The following TMEM65 variants were observed in gnomAD, a reference collection of about 807,000 sequenced individuals.
TMEM65 encodes the protein transmembrane protein 65.
A neutral mutation model predicts 25.4 loss-of-function variants in TMEM65; 22 were observed. That is an observed-to-expected ratio of 0.86 (90% confidence interval 0.62 to 1.23). The LOEUF (loss-of-function observed/expected upper bound fraction) is 1.23. TMEM65 is among the 50% of genes most tolerant of loss of function. The pLI is 0.00. For missense variants in TMEM65, 262 were observed against 308.2 expected, an observed-to-expected ratio of 0.85 and a Z score of 1.12; for synonymous variants, 132 against 126.2, an observed-to-expected ratio of 1.05 and a Z score of -0.31.
chr8:124,349,550 G>A (rs964792536), intron 1 of TMEM65, among the ~76,000 whole-genome samples: 4 of 152,124 alleles, frequency 2.6e-5, no homozygotes, highest in African/African-American at 9.7e-5. Flanking sequence ...GTATTAGAGT[G>A]AAAAACAGCA....
chr8:124,308,550 G>GA lies in TMEM65; in HGVS notation c.*5409dup, dbSNP rs1010121813. 6.6e-6 allele frequency: 1 copy of GA among 152,098 alleles called. No homozygotes were observed. The highest frequency in any genetic ancestry group is 6.5e-5 in the Admixed American group (1 of 15,284). 9.4% of individuals were successfully genotyped at this position (152,098 alleles called of 1,614,324 possible). A position where few individuals can be genotyped will look rare whatever the true frequency, so the allele number is the denominator to read the frequency against. On this transcript the variant is annotated 3_prime_UTR_variant, in exon 7 of 7. Coordinates refer to ENST00000297632, the MANE Select transcript of TMEM65 (RefSeq NM_194291.3). ...CAGAATTTACAACAGAGCCAATCAA[G>GA]AAAATCATGAAAGAGGTTGTAGATA...
At chr8:124,326,370 C>A (rs1266304897) in intron 3 of TMEM65, among the ~76,000 whole-genome samples, 1 of 151,974 alleles carries the variant, frequency 6.6e-6, no homozygotes, top group African/African-American at 2.4e-5. Context: ...GGACTGTGAT[C>A]AATCTATTTT....
intron 1 of TMEM65, among the ~76,000 whole-genome samples, chr8:124,347,813 C>T (rs1056343538): frequency 3.9e-5 from 6 of 151,900 alleles, no homozygotes; most frequent in African/African-American, 1.5e-4. Flanking sequence ...CTTTATCAAC[C>T]ATATTAATGT....
chr8:124,349,611 AT>A (rs1225392996), intron 1 of TMEM65, among the ~76,000 whole-genome samples: 2 of 152,202 alleles, frequency 1.3e-5, no homozygotes, highest in African/African-American at 4.8e-5. Flanking sequence ...CTGATATATA[AT>A]TAGTCACTAA....
chr8:124,320,991 C>A (rs1417183454), intron 5 of TMEM65, among the ~76,000 whole-genome samples: 2 of 152,086 alleles, frequency 1.3e-5, no homozygotes, highest in Non-Finnish European at 2.9e-5. Context: ...GCTTTAAAAT[C>A]TCTTAGATCA....
chr8:124,344,572 CTGCACTTGCATAAATA>C (rs1337502146), intron 1 of TMEM65, among the ~76,000 whole-genome samples: 2 of 152,182 alleles, frequency 1.3e-5, no homozygotes, highest in African/African-American at 4.8e-5. Context: ...ACACCTCCTG[CTGCACTTGCATAAATA>C]TATCTGGTAT....
At chr8:124,325,048 G>C (rs541881801) in intron 3 of TMEM65, among the ~76,000 whole-genome samples, 4 of 151,816 alleles carry the variant, frequency 2.6e-5, no homozygotes, top group Non-Finnish European at 4.4e-5. Context: ...GAAACAAAAG[G>C]CTTAATATGA....
rs1195751951 is a variant in TMEM65 at position 124,372,621 on chromosome 8, A to T, written c.-464T>A. The T allele has an allele frequency of 6.3e-6, 1 of 159,884 alleles. No homozygotes were observed. The highest frequency in any genetic ancestry group is 1.4e-5 in the Non-Finnish European group (1 of 72,962). The allele number at this position is 159,884 out of a possible 1,614,324, so 9.9% of individuals were successfully genotyped here. ...TAGCCTCCCCACGTCCCCACTCTGT[A>T]AGGTTCCCGAGCCCTCAAAGCAGCC... On this transcript the variant is annotated 5_prime_UTR_variant, in exon 1 of 7. Transcript: ENST00000297632.
chr8:124,318,363 GTTTTTGTTT>G (rs1280935508), intron 6 of TMEM65, among the ~76,000 whole-genome samples: 8 of 73,840 alleles, frequency 1.1e-4, no homozygotes, highest in Admixed American at 2.3e-4. Context: ...GAATTTGCAT[GTTTTTGTTT>G]TTTTTTTTTT....
chr8:124,334,378 A>G (rs1359353662), intron 1 of TMEM65, among the ~76,000 whole-genome samples: 2 of 152,332 alleles, frequency 1.3e-5, no homozygotes, highest in Non-Finnish European at 2.9e-5. Context: ...TTAAATGAAT[A>G]AGACAGGAAA....
Position 124,311,321 on chromosome 8 carries a change from A to G in TMEM65, c.*2639T>C, listed in dbSNP as rs1359600850. On this transcript the variant is annotated 3_prime_UTR_variant, in exon 7 of 7. Transcript: ENST00000297632. Reference sequence around the variant, plus strand: ...ATTCATTAATCCTGTTTGCTTTAGTAACAGAATATACCAAGGCCCTCTGAG... The same window carrying G: ...ATTCATTAATCCTGTTTGCTTTAGTGACAGAATATACCAAGGCCCTCTGAG... 1 of 152,632 alleles carries G rather than the reference A, an allele frequency of 6.6e-6. No individual in the cohort carries two copies. The highest frequency in any genetic ancestry group is 2.4e-5 in the African/African-American group (1 of 41,446). The allele number at this position is 152,632 out of a possible 1,614,324, so 9.5% of individuals were successfully genotyped here. A position where few individuals can be genotyped will look rare whatever the true frequency, so the allele number is the denominator to read the frequency against.
chr8:124,356,554 A>T (rs556871626), intron 1 of TMEM65, among the ~76,000 whole-genome samples: 5 of 152,258 alleles, frequency 3.3e-5, no homozygotes, highest in African/African-American at 1.2e-4. Flanking sequence ...TTCTCAGCCA[A>T]CTAAAATCTG....
chr8:124,318,192 C>T (rs1299993928), intron 6 of TMEM65, among the ~76,000 whole-genome samples: 1 of 151,874 alleles, frequency 6.6e-6, no homozygotes, highest in Non-Finnish European at 1.5e-5. Flanking sequence ...TGCCAAAGAC[C>T]TGGGTGAGCC....
intron 1 of TMEM65, among the ~76,000 whole-genome samples, chr8:124,348,689 A>T (rs1445624999): frequency 6.6e-6 from 1 of 152,170 alleles, no homozygotes; most frequent in Non-Finnish European, 1.5e-5. Flanking sequence ...TTCATTTTAA[A>T]ATAAAATTGT....
intron 6 of TMEM65, among the ~76,000 whole-genome samples, chr8:124,317,440 G>A (rs1001627421): frequency 7.2e-5 from 11 of 152,022 alleles, no homozygotes; most frequent in African/African-American, 1.2e-4. Context: ...TTAAAACTTC[G>A]TCCTTGATAG....
rs1815029577 is a variant in TMEM65 at position 124,372,267 on chromosome 8, C to A, written c.-110G>T. On this transcript the variant is annotated 5_prime_UTR_variant, in exon 1 of 7. Coordinates refer to ENST00000297632, the MANE Select transcript of TMEM65 (RefSeq NM_194291.3). ...TCGACCCCGCCCCGAGGTCCTCCTG[C>A]CAGGCAGCCGAGGCGCCGGGCACCA... The A allele has an allele frequency of 4.7e-6, 5 of 1,065,130 alleles. No individual in the cohort carries two copies. The highest frequency in any genetic ancestry group is 5.6e-5 in the Admixed American group (1 of 17,846). The allele number at this position is 1,065,130 out of a possible 1,614,324, so 66.0% of individuals were successfully genotyped here.
intron 1 of TMEM65, among the ~76,000 whole-genome samples, chr8:124,362,693 A>G (rs1467897676): frequency 1.3e-5 from 2 of 150,744 alleles, no homozygotes; most frequent in Admixed American, 6.6e-5. Flanking sequence ...ATGCTAAGAG[A>G]TTATAAAAGG....
intron 1 of TMEM65, among the ~76,000 whole-genome samples, chr8:124,336,143 A>C (rs1814503877): frequency 6.6e-6 from 1 of 152,098 alleles, no homozygotes; most frequent in Non-Finnish European, 1.5e-5. Context: ...TCAAAATGAC[A>C]AAAGGGTCAA....
intron 1 of TMEM65, among the ~76,000 whole-genome samples, chr8:124,364,427 G>A (rs1335580778): frequency 6.6e-6 from 1 of 152,174 alleles, no homozygotes; most frequent in African/African-American, 2.4e-5. Flanking sequence ...AGTCTAAAAA[G>A]CATGCCAACT....
Sources: gnomAD v4.1 joint callset for allele counts (sites outside exome capture counted in the v4.1 genomes callset) on GRCh38, gnomAD v4.1.1 for gene constraint, MANE v1.5 for transcripts, NCBI Gene and HGNC (gene_info 2026-07-23, HGNC 2026-07-21) for gene names.